DPYSL2: variants seen among roughly 807,000 people sequenced by gnomAD.
DPYSL2 encodes the protein dihydropyrimidinase like 2, also known as dihydropyrimidinase-related protein 2.
DPYSL2 carries 13 observed loss-of-function variants against 69.9 expected under a neutral mutation model. The ratio of observed to expected loss-of-function variants is 0.19; its 90% CI spans 0.12 to 0.30. The LOEUF is 0.30. DPYSL2 is among the 10% of genes least tolerant of loss of function. The pLI is 1.00. For synonymous variants in DPYSL2, 326 were observed against 359.1 expected, an observed-to-expected ratio of 0.91 and a Z score of 1.04; for missense variants, 587 against 918.9, an observed-to-expected ratio of 0.64 and a Z score of 4.67.
intron 3 of DPYSL2, among the ~76,000 whole-genome samples, chr8:26,618,976 A>C (rs1414347353): frequency 6.6e-6 from 1 of 151,966 alleles, no homozygotes; most frequent in Non-Finnish European, 1.5e-5. Flanking sequence ...AAAAAAGAAA[A>C]GAAAAAAGAA....
At chr8:26,566,994 C>T in intron 1 of DPYSL2, among the ~76,000 whole-genome samples, 1 of 151,876 alleles carries the variant, frequency 6.6e-6, no homozygotes, top group Non-Finnish European at 1.5e-5. Context: ...GTCTATCCAT[C>T]TATTCATCCA....
intron 1 of DPYSL2, among the ~76,000 whole-genome samples, chr8:26,555,551 T>A (rs980649781): frequency 1.3e-5 from 2 of 152,136 alleles, no homozygotes; most frequent in African/African-American, 4.8e-5. Context: ...GTATAAGATC[T>A]GTATGAGGAA....
In DPYSL2 at chr8:26,627,932, C is replaced by T. The variant is rs774573172; in HGVS notation, c.997C>T (p.Pro333Ser). ...TGPEGHVLSR[P>S]EEVEAEAVNR... ...CCCCGAGGGACATGTGCTGAGCCGACCTGAGGAGGTGAATGTTCACCAAGC... is the reference window on the plus strand; with the variant it reads ...CCCCGAGGGACATGTGCTGAGCCGATCTGAGGAGGTGAATGTTCACCAAGC... The change falls in exon 7 of 14, where the codon CCT becomes TCT. Residue 333 changes from proline to serine, a missense_variant. Physicochemically the swap from Pro to Ser is moderately conservative, Grantham distance 74 (BLOSUM62 -1). Around this residue, in one of 3 missense-constraint regions of DPYSL2, gnomAD observed 452 missense variants for 754.3 expected, o/e 0.60. Transcript: ENST00000521913. This position sits in a 1 kb window ranked among gnomAD's most constrained non-coding sequence, Gnocchi z 6.9. 3.1e-6 allele frequency: 5 copies of T among 1,613,716 alleles called. No homozygotes were observed. The highest frequency in any genetic ancestry group is 2.2e-5 in the South Asian group (2 of 90,950).
intron 1 of DPYSL2, among the ~76,000 whole-genome samples, chr8:26,539,366 A>G (rs1238456940): frequency 6.6e-6 from 1 of 152,190 alleles, no homozygotes; most frequent in Non-Finnish European, 1.5e-5. Flanking sequence ...CACTCCTGTG[A>G]GATAACAAAA....
At chr8:26,638,606 G>A (rs1321769847) in intron 8 of DPYSL2, among the ~76,000 whole-genome samples, 5 of 152,220 alleles carry the variant, frequency 3.3e-5, no homozygotes, top group African/African-American at 9.6e-5. Context: ...GCAGGATGGC[G>A]TGTTCAGCCG....
chr8:26,578,489 T>C, intron 1 of DPYSL2: 21 of 1,444,222 alleles, frequency 1.5e-5, no homozygotes, highest in Non-Finnish European at 1.9e-5. Context: ...TCGCATCGTT[T>C]GCAAGGCATT....
intron 3 of DPYSL2, among the ~76,000 whole-genome samples, chr8:26,584,807 C>T (rs62491909): frequency 0.014 from 2,058 of 151,990 alleles, 25 homozygotes; most frequent in Middle Eastern, 0.068. Flanking sequence ...TTAGTAGAGA[C>T]GGGGGTCTTC....
chr8:26,574,832 C>T (rs1408325166), intron 1 of DPYSL2, among the ~76,000 whole-genome samples: 1 of 152,204 alleles, frequency 6.6e-6, no homozygotes, highest in Non-Finnish European at 1.5e-5. Context: ...CAGCCTCAGC[C>T]TCCCAGCCTC....
chr8:26,577,085 G>A (rs1229767201), intron 1 of DPYSL2: 2 of 434,662 alleles, frequency 4.6e-6, no homozygotes, highest in South Asian at 1.6e-5. Flanking sequence ...TCAGGGCGGG[G>A]TTTCCCATAC....
At position 26,582,148 on chromosome 8, in the gene DPYSL2, C is replaced by A; in HGVS notation, c.443+91C>A. 1 of 1,033,532 alleles carries A rather than the reference C, an allele frequency of 9.7e-7. No homozygotes were observed. The highest frequency in any genetic ancestry group is 1.5e-6 in the Non-Finnish European group (1 of 682,958). The allele number at this position is 1,033,532 out of a possible 1,614,324, so 64.0% of individuals were successfully genotyped here. On this transcript the variant is annotated intron_variant, in intron 2 of 13. Coordinates refer to ENST00000521913, the MANE Select transcript of DPYSL2 (RefSeq NM_001197293.3). The surrounding 1 kb of genome is among the most constrained non-coding windows in gnomAD (Gnocchi z 4.1). Reference sequence around the variant, plus strand: ...CATTCGCATCCAAAGTATCAAACTTCAGGAACATCAGAGAGTGACCAACTT... The same window carrying A: ...CATTCGCATCCAAAGTATCAAACTTAAGGAACATCAGAGAGTGACCAACTT...
chr8:26,603,650 A>G (rs1802044326), intron 3 of DPYSL2, among the ~76,000 whole-genome samples: 1 of 152,146 alleles, frequency 6.6e-6, no homozygotes, highest in Non-Finnish European at 1.5e-5. Flanking sequence ...TGTTGCCATT[A>G]AACACTAACT....
rs60491201 is a variant in DPYSL2, at chr8:26,582,737, G to T, written c.443+680G>T. ...TGCCCTTTCTACTGGGGTAGCTCCCGGGGCTCTGGAGAAATAGCACATCTG... is the reference window on the plus strand; with the variant it reads ...TGCCCTTTCTACTGGGGTAGCTCCCTGGGCTCTGGAGAAATAGCACATCTG... On this transcript the variant is annotated intron_variant, in intron 2 of 13. Coordinates refer to ENST00000521913, the MANE Select transcript of DPYSL2 (RefSeq NM_001197293.3). The surrounding 1 kb of genome is among the most constrained non-coding windows in gnomAD (Gnocchi z 4.1). 1.9e-3 allele frequency among the ~76,000 whole-genome samples: 282 copies of T among 152,202 alleles called. 2 individuals carry two copies. Among genetic ancestry groups the T allele is most frequent in the South Asian group, 4.2e-3 (20 of 4,812 alleles).
At chr8:26,535,943 A>T (rs1023037051) in intron 1 of DPYSL2, among the ~76,000 whole-genome samples, 2 of 132,598 alleles carry the variant, frequency 1.5e-5, no homozygotes, top group Non-Finnish European at 3.1e-5. Flanking sequence ...TGTGTTTGAG[A>T]TGGGGTCTCA....
chr8:26,528,894 G>A (rs868543118), intron 1 of DPYSL2, among the ~76,000 whole-genome samples: 1 of 152,120 alleles, frequency 6.6e-6, no homozygotes, highest in African/African-American at 2.4e-5. Context: ...GGGCCCTGGA[G>A]CATAGTGGCT....
In DPYSL2 at chr8:26,614,624, TC is replaced by T. The variant is rs1224930782; in HGVS notation, c.629-9514del. Among the ~76,000 whole-genome samples the T allele has an allele frequency of 6.6e-6, 1 of 152,126 alleles. No homozygotes were observed. Among genetic ancestry groups the T allele is most frequent in the Non-Finnish European group, 1.5e-5 (1 of 68,026 alleles). ...TTTTACCAGATCTTGGCTTAACACT[TC>T]CCCCAGAGTTAGTCATAATCATTCT... On this transcript the variant is annotated intron_variant, in intron 3 of 13. Coordinates refer to ENST00000521913, the MANE Select transcript of DPYSL2 (RefSeq NM_001197293.3). The surrounding 1 kb of genome is among the most constrained non-coding windows in gnomAD (Gnocchi z 4.9).
rs181372318 is a variant in DPYSL2 at position 26,578,232 on chromosome 8, A to G, written c.355-3737A>G. 8.7e-5 allele frequency: 140 copies of G among 1,614,104 alleles called. 1 individual carries two copies. The African/African-American group carries it at 1.7e-3, about 19-fold the overall frequency. On this transcript the variant is annotated intron_variant, in intron 1 of 13. Transcript: ENST00000521913. ...TTTGCCTTAAAGCTGCCCTCTTGAA[A>G]TTAATTTTTTCCCAGGAGAGAGATG...
At chr8:26,526,305 G>A (rs142976058) in intron 1 of DPYSL2, among the ~76,000 whole-genome samples, 1,574 of 152,220 alleles carry the variant, frequency 0.01, 45 homozygotes, top group East Asian at 0.075. Context: ...ATGTTAGCCA[G>A]GATGGTCTCC....
intron 3 of DPYSL2, among the ~76,000 whole-genome samples, chr8:26,599,715 T>A (rs1396665763): frequency 6.6e-6 from 1 of 151,872 alleles, no homozygotes; most frequent in East Asian, 1.9e-4. Context: ...AGACCCTGTC[T>A]CAAAAAAATA....
intron 7 of DPYSL2, among the ~76,000 whole-genome samples, chr8:26,631,545 A>G (rs867874355): frequency 6.6e-6 from 1 of 152,182 alleles, no homozygotes; most frequent in Non-Finnish European, 1.5e-5. Context: ...TGTCATTGCT[A>G]TTTCAACCAG....
Sources: gnomAD v4.1 joint callset for allele counts (sites outside exome capture counted in the v4.1 genomes callset) on GRCh38, gnomAD v4.1.1 for gene constraint, gnomAD v4.1.1 regional missense constraint, Gnocchi (gnomAD v3.1) non-coding constraint, MANE v1.5 for transcripts, NCBI Gene and HGNC (gene_info 2026-07-23, HGNC 2026-07-21) for gene names.